The following PREX1 variants were observed in gnomAD, a reference collection of about 807,000 sequenced individuals.
PREX1 encodes phosphatidylinositol-3,4,5-trisphosphate dependent Rac exchange factor 1.
In PREX1, 41 loss-of-function variants were observed where a neutral mutation model predicts 198.3. The observed-to-expected ratio is 0.21, with a 90% CI of 0.16 to 0.27. The LOEUF is 0.27. Among genes scored for constraint, PREX1 ranks in the 10% least tolerant of loss-of-function variants. The probability of loss-of-function intolerance (pLI) is 1.00; values close to 1 mark genes in which losing one functional copy is unlikely to be tolerated. For missense variants in PREX1, 1,620 were observed against 2,200.7 expected (o/e 0.74, Z 5.28); for synonymous variants, 843 against 887.2 (o/e 0.95, Z 0.89).
intron 3 of PREX1, among the ~76,000 whole-genome samples, chr20:48,741,789 G>A (rs1601107752): frequency 1.3e-5 from 2 of 152,226 alleles, no homozygotes; most frequent in African/African-American, 4.8e-5. Context: ...TTCAAGGCAA[G>A]AAGGGAGAGA....
chr20:48,733,676 A>G (rs2090044288), intron 4 of PREX1, among the ~76,000 whole-genome samples: 1 of 72,546 alleles, frequency 1.4e-5, no homozygotes, highest in South Asian at 4.4e-4. Flanking sequence ...AACTCCCCAG[A>G]AAAGTAAATC....
chr20:48,625,832 C>T lies in PREX1; in HGVS notation c.*53G>A. The T allele has an allele frequency of 6.6e-7, 1 of 1,509,866 alleles. No individual in the cohort carries two copies. The highest frequency in any genetic ancestry group is 8.9e-7 in the Non-Finnish European group (1 of 1,120,152). The allele number at this position is 1,509,866 out of a possible 1,614,324, so 93.5% of individuals were successfully genotyped here. On this transcript the variant is annotated 3_prime_UTR_variant, in exon 40 of 40. Coordinates refer to ENST00000371941, the MANE Select transcript of PREX1 (RefSeq NM_020820.4). ...AGAAGGCCAGCGCTGCCTGCTGTGT[C>T]CTCCCAAATCCCAGCTCCAGAGGCC...
Position 48,636,402 on chromosome 20 carries a change from C to A in PREX1, c.4167+61G>T. The stretch of plus-strand genomic sequence containing the variant: ...TAAGTGGGCAAGGGCTCCCTCGACC[C>A]GGCCTGGGCGGGCACCAGTGGGTGG... On this transcript the variant is annotated intron_variant, in intron 32 of 39. Transcript: ENST00000371941. 2.7e-6 allele frequency: 4 copies of A among 1,502,090 alleles called. No individual in the cohort carries two copies. The South Asian group carries it at 3.8e-5, about 14-fold the overall frequency. The allele number at this position is 1,502,090 out of a possible 1,614,324, so 93.0% of individuals were successfully genotyped here.
chr20:48,686,046 C>T (rs1367048392), intron 10 of PREX1, among the ~76,000 whole-genome samples: 3 of 152,168 alleles, frequency 2.0e-5, no homozygotes, highest in Admixed American at 6.5e-5. Flanking sequence ...GGAGACAGCA[C>T]CAGTGTCGCT....
At chr20:48,707,929 C>T (rs1039569592) in intron 6 of PREX1, among the ~76,000 whole-genome samples, 2 of 152,042 alleles carry the variant, frequency 1.3e-5, no homozygotes, top group African/African-American at 4.8e-5. Flanking sequence ...TTGGCATCAA[C>T]AGCTCAAAGG....
intron 1 of PREX1, among the ~76,000 whole-genome samples, chr20:48,769,570 A>G (rs2090225806): frequency 6.6e-6 from 1 of 151,694 alleles, no homozygotes; most frequent in Admixed American, 6.6e-5. Flanking sequence ...CTCCTACGCA[A>G]CTCCCTTCTC....
intron 3 of PREX1, among the ~76,000 whole-genome samples, chr20:48,739,725 G>A (rs1648091652): frequency 6.6e-6 from 1 of 152,164 alleles, no homozygotes; most frequent in Non-Finnish European, 1.5e-5. Context: ...TGTATTTCAG[G>A]AGACCTCATC....
At chr20:48,800,408 C>T (rs953806218) in intron 1 of PREX1, among the ~76,000 whole-genome samples, 1 of 152,168 alleles carries the variant, frequency 6.6e-6, no homozygotes, top group African/African-American at 2.4e-5. Flanking sequence ...GGCAGTTGGT[C>T]ACTCTATTTA....
chr20:48,664,743 G>A (rs937816250), intron 15 of PREX1, among the ~76,000 whole-genome samples: 2 of 151,930 alleles, frequency 1.3e-5, no homozygotes, highest in African/African-American at 2.4e-5. Context: ...AGCTCCAGAC[G>A]GCCTGAATTC....
chr20:48,641,848 A>AG (rs1432004114), intron 29 of PREX1, among the ~76,000 whole-genome samples: 24 of 17,070 alleles, frequency 1.4e-3, no homozygotes, highest in African/African-American at 4.8e-3. Flanking sequence ...GAGAGGAAGG[A>AG]AGGAAGGAAG....
At position 48,698,301 on chromosome 20, in the gene PREX1, C is replaced by T. The variant is rs150997541; in HGVS notation, c.917+2452G>A. 1.8e-3 allele frequency among the ~76,000 whole-genome samples: 267 copies of T among 152,288 alleles called. 2 individuals carry two copies. The highest frequency in any genetic ancestry group is 0.016 in the South Asian group (76 of 4,822). On this transcript the variant is annotated intron_variant, in intron 7 of 39. Coordinates refer to ENST00000371941, the MANE Select transcript of PREX1 (RefSeq NM_020820.4). ...CCCCAGAGGAGGCAGAGCCTGCACC[C>T]GGAAGCCAAAGGTTGAGTAAACTCA...
intron 31 of PREX1, 36 bp from the exon 32 acceptor site, chr20:48,636,719 CG>C: frequency 6.5e-7 from 1 of 1,536,350 alleles, no homozygotes; most frequent in South Asian, 1.2e-5. Flanking sequence ...GCTGGAGGGG[CG>C]CTCCCGTGCC....
At position 48,681,100 on chromosome 20, in the gene PREX1, C is replaced by T. The variant is rs548371742; in HGVS notation, c.1435+135G>A. The T allele has an allele frequency of 3.4e-5, 26 of 767,010 alleles. No homozygotes were observed. In the Admixed American group the frequency reaches 3.7e-4, roughly 11 times the overall value. The allele number at this position is 767,010 out of a possible 1,614,324, so 47.5% of individuals were successfully genotyped here. A position where few individuals can be genotyped will look rare whatever the true frequency, so the allele number is the denominator to read the frequency against. Reference sequence around the variant, plus strand: ...TTTTACAAGGGCATCCATGTTCCTGCGGGCCACACTGTGCCCAGAAAACAC... The same window carrying T: ...TTTTACAAGGGCATCCATGTTCCTGTGGGCCACACTGTGCCCAGAAAACAC... On this transcript the variant is annotated intron_variant, in intron 11 of 39. Transcript: ENST00000371941.
intron 4 of PREX1, among the ~76,000 whole-genome samples, chr20:48,732,495 G>A (rs1338505092): frequency 6.6e-6 from 1 of 152,314 alleles, no homozygotes; most frequent in East Asian, 1.9e-4. Flanking sequence ...AAAACAAACA[G>A]TATGGGGGTG....
At chr20:48,818,448 CTAAG>C (rs2090468104) in intron 1 of PREX1, among the ~76,000 whole-genome samples, 1 of 152,218 alleles carries the variant, frequency 6.6e-6, no homozygotes, top group Non-Finnish European at 1.5e-5. Flanking sequence ...TGCTTTTATG[CTAAG>C]TGAGATGTAA....
chr20:48,637,787 C>A (rs1311328197), intron 30 of PREX1, 35 bp from the exon 31 acceptor site: 2 of 1,563,414 alleles, frequency 1.3e-6, no homozygotes, highest in Middle Eastern at 1.9e-4. Context: ...GGGGGACGGG[C>A]TGGGAGGGGG....
In PREX1 at chr20:48,632,214, T is replaced by C. The variant is rs1246621997; in HGVS notation, c.4526+63A>G. On this transcript the variant is annotated intron_variant, in intron 35 of 39. Coordinates refer to ENST00000371941, the MANE Select transcript of PREX1 (RefSeq NM_020820.4). Reference sequence around the variant, plus strand: ...GGGGTCCGCCTGGCACCTTCCATGCTAATGCCCACTCCACGTGGAGGTTTC... The same window carrying C: ...GGGGTCCGCCTGGCACCTTCCATGCCAATGCCCACTCCACGTGGAGGTTTC... 2.0e-6 allele frequency: 3 copies of C among 1,512,568 alleles called. No homozygotes were observed. The East Asian group carries it at 6.8e-5, about 34-fold the overall frequency. 93.7% of individuals were successfully genotyped at this position (1,512,568 alleles called of 1,614,324 possible). A position where few individuals can be genotyped will look rare whatever the true frequency, so the allele number is the denominator to read the frequency against.
chr20:48,658,289 A>G (rs2089561392), intron 16 of PREX1, 61 bp from the exon 17 acceptor site: 2 of 1,545,282 alleles, frequency 1.3e-6, no homozygotes, highest in Middle Eastern at 1.7e-4. Flanking sequence ...GGCCAGCCCC[A>G]CCGTGGCCCC....
chr20:48,848,987 C>A, the PREX1 span, among the ~76,000 whole-genome samples: 2 of 152,182 alleles, frequency 1.3e-5, no homozygotes, highest in South Asian at 4.2e-4. Context: ...ATCCACCCAC[C>A]TCAGCCTCCC....
Sources: gnomAD v4.1 joint callset for allele counts (sites outside exome capture counted in the v4.1 genomes callset) on GRCh38, gnomAD v4.1.1 for gene constraint, MANE v1.5 for transcripts, NCBI Gene and HGNC (gene_info 2026-07-23, HGNC 2026-07-21) for gene names.